The following PAX7 variants were observed in gnomAD, a reference collection of about 807,000 sequenced individuals.
The protein encoded by PAX7 is paired box 7.
A neutral mutation model predicts 50.7 loss-of-function variants in PAX7; 18 were observed. The observed-to-expected ratio is 0.36, with a 90% CI of 0.25 to 0.53. PAX7 has a LOEUF of 0.53. PAX7 is among the 20% of genes least tolerant of loss of function. The pLI, the probability that PAX7 is intolerant of heterozygous loss-of-function variation, is 0.93. For synonymous variants in PAX7, 310 were observed against 290.4 expected (o/e 1.07, Z -0.69); for missense variants, 644 against 702.9 (o/e 0.92, Z 0.95).
intron 4 of PAX7, among the ~76,000 whole-genome samples, chr1:18,652,739 T>C (rs1378441328): frequency 6.6e-6 from 1 of 152,232 alleles, no homozygotes; most frequent in Non-Finnish European, 1.5e-5. Context: ...CATTAGTAGA[T>C]ACAGAAATTG....
chr1:18,735,482 C>A lies in PAX7; in HGVS notation c.1156-150C>A. On this transcript the variant is annotated intron_variant, in intron 7 of 8. Coordinates refer to ENST00000420770, the MANE Select transcript of PAX7 (RefSeq NM_001135254.2). The surrounding 1 kb of genome is among the most constrained non-coding windows in gnomAD (Gnocchi z 4.0). ...ATCCCATGCATGAGGGCACGCAAAT[C>A]AGGTAAACTGAGGACCTCGAAGCTA... 1 of 1,399,780 alleles carries A rather than the reference C, an allele frequency of 7.1e-7. No individual in the cohort carries two copies. The highest frequency in any genetic ancestry group is 9.5e-7 in the Non-Finnish European group (1 of 1,051,154). The allele number at this position is 1,399,780 out of a possible 1,614,324, so 86.7% of individuals were successfully genotyped here.
At chr1:18,643,104 G>T (rs373581429) in intron 4 of PAX7, among the ~76,000 whole-genome samples, 1 of 152,200 alleles carries the variant, frequency 6.6e-6, no homozygotes, top group African/African-American at 2.4e-5. Context: ...AGTTGTGTGC[G>T]CCCCAAGTCC....
chr1:18,728,865 CA>C lies in PAX7; in HGVS notation c.1156-6756del, dbSNP rs58456557. Among the ~76,000 whole-genome samples, 180 of 141,568 alleles carry C rather than the reference CA, an allele frequency of 1.3e-3. 1 individual carries two copies. Among genetic ancestry groups the C allele is most frequent in the African/African-American group, 3.9e-3 (151 of 38,582 alleles). The allele number at this position is 141,568 out of a possible 152,430, so 92.9% of individuals were successfully genotyped here. ...GGGCAACAAGAGTGAAACTCCGTCT[CA>C]AAAAAAAAAACAAAAAACTCCTGAC... On this transcript the variant is annotated intron_variant, in intron 7 of 8. Coordinates refer to ENST00000420770, the MANE Select transcript of PAX7 (RefSeq NM_001135254.2).
intron 4 of PAX7, among the ~76,000 whole-genome samples, chr1:18,656,208 G>T (rs1446834469): frequency 2.0e-5 from 3 of 152,146 alleles, no homozygotes; most frequent in Admixed American, 1.3e-4. Flanking sequence ...AATGTAAGAG[G>T]CAAGTCCGGG....
rs1416281670 is a variant in PAX7, at chr1:18,631,706, G to A, written c.85+18G>A. The A allele has an allele frequency of 6.2e-7, 1 of 1,601,738 alleles. No individual in the cohort carries two copies. ...TTTGGAAGGTAAGAACGCCCAGGCT[G>A]GCCTCGCCGCGACTCCGCCGCCCGG... On this transcript the variant is annotated intron_variant, in intron 1 of 8. Transcript: ENST00000420770.
rs1273408764 is a variant in PAX7 at position 18,677,363 on chromosome 1, G to T, written c.587-14391G>T. Among the ~76,000 whole-genome samples, 6 of 152,258 alleles carry T rather than the reference G, an allele frequency of 3.9e-5. No homozygotes were observed. The South Asian group carries it at 1.2e-3, about 32-fold the overall frequency. ...CTTTCTCATCAGCACTCCAGGACCGGCGCACAGCAGACCCATCTTTCGGAG... is the reference window on the plus strand; with the variant it reads ...CTTTCTCATCAGCACTCCAGGACCGTCGCACAGCAGACCCATCTTTCGGAG... On this transcript the variant is annotated intron_variant, in intron 4 of 8. Transcript: ENST00000420770.
At chr1:18,648,994 C>T (rs2088391017) in intron 4 of PAX7, among the ~76,000 whole-genome samples, 1 of 152,138 alleles carries the variant, frequency 6.6e-6, no homozygotes, top group Admixed American at 6.5e-5. Flanking sequence ...GCCACTGATG[C>T]CCAAGGGTAC....
At chr1:18,684,438 C>T (rs1018753553) in intron 4 of PAX7, among the ~76,000 whole-genome samples, 2 of 152,220 alleles carry the variant, frequency 1.3e-5, no homozygotes, top group African/African-American at 2.4e-5. Flanking sequence ...ATTCCAAGCC[C>T]CTGCCTCTCA....
intron 7 of PAX7, among the ~76,000 whole-genome samples, chr1:18,728,206 T>C (rs556410234): frequency 6.6e-6 from 1 of 151,986 alleles, no homozygotes; most frequent in South Asian, 2.1e-4. Context: ...GGGGTGGCAG[T>C]GTGTGGGTGC....
At chr1:18,672,605 T>A (rs999661453) in intron 4 of PAX7, among the ~76,000 whole-genome samples, 2 of 146,602 alleles carry the variant, frequency 1.4e-5, no homozygotes, top group African/African-American at 2.6e-5. Context: ...TGTTTTTTTT[T>A]TTTTTTTTTT....
In PAX7 at chr1:18,632,690, G is replaced by T. The variant is rs2088074001; in HGVS notation, c.85+1002G>T. ...TCCTGTGATCGTTTGAGTCCCTGGCGCGTGAGGAAGGGGAGAGGAGGCAGG... is the reference window on the plus strand; with the variant it reads ...TCCTGTGATCGTTTGAGTCCCTGGCTCGTGAGGAAGGGGAGAGGAGGCAGG... On this transcript the variant is annotated intron_variant, in intron 1 of 8. Transcript: ENST00000420770. The surrounding 1 kb of genome is among the most constrained non-coding windows in gnomAD (Gnocchi z 6.3). Among the ~76,000 whole-genome samples, 1 of 150,482 alleles carries T rather than the reference G, an allele frequency of 6.6e-6. No homozygotes were observed. The highest frequency in any genetic ancestry group is 6.6e-5 in the Admixed American group (1 of 15,118).
At chr1:18,721,097 A>C (rs1570225658) in intron 7 of PAX7, among the ~76,000 whole-genome samples, 1 of 151,364 alleles carries the variant, frequency 6.6e-6, no homozygotes, top group Admixed American at 6.6e-5. Flanking sequence ...TTCTCTCCAC[A>C]CTCCCTCCAG....
At chr1:18,732,819 C>A (rs1182520286) in intron 7 of PAX7, among the ~76,000 whole-genome samples, 3 of 152,142 alleles carry the variant, frequency 2.0e-5, no homozygotes, top group Non-Finnish European at 4.4e-5. Flanking sequence ...TCCTAACCAT[C>A]CCCCGACTCC....
intron 4 of PAX7, among the ~76,000 whole-genome samples, chr1:18,654,644 G>T (rs1452153238): frequency 6.6e-6 from 1 of 152,166 alleles, no homozygotes; most frequent in Non-Finnish European, 1.5e-5. Context: ...GTACAAATTT[G>T]CCAGGCCGTA....
chr1:18,715,178 C>T (rs1359009821), intron 7 of PAX7, among the ~76,000 whole-genome samples: 1 of 151,996 alleles, frequency 6.6e-6, no homozygotes, highest in Non-Finnish European at 1.5e-5. Context: ...TTCTCCACCA[C>T]CCCATTGTCA....
intron 4 of PAX7, among the ~76,000 whole-genome samples, chr1:18,664,321 C>T (rs764509949): frequency 6.6e-6 from 1 of 152,202 alleles, no homozygotes; most frequent in African/African-American, 2.4e-5. Context: ...CTCTCCTGGC[C>T]CCTGTCAGCC....
rs901140287 is a variant in PAX7 at position 18,735,176 on chromosome 1, G to C, written c.1156-456G>C. On this transcript the variant is annotated intron_variant, in intron 7 of 8. Coordinates refer to ENST00000420770, the MANE Select transcript of PAX7 (RefSeq NM_001135254.2). This position sits in a 1 kb window ranked among gnomAD's most constrained non-coding sequence, Gnocchi z 4.0. The stretch of plus-strand genomic sequence containing the variant: ...CAGCAGACAGATCAAGAGTCCTGCT[G>C]TAATGTTTGTGTTAGAAGATGGGGC... 6.6e-6 allele frequency among the ~76,000 whole-genome samples: 1 copy of C among 152,200 alleles called. No individual in the cohort carries two copies. Among genetic ancestry groups the C allele is most frequent in the Non-Finnish European group, 1.5e-5 (1 of 68,034 alleles).
chr1:18,716,172 G>T (rs1216155127), intron 7 of PAX7, among the ~76,000 whole-genome samples: 2 of 152,250 alleles, frequency 1.3e-5, no homozygotes, highest in Admixed American at 6.5e-5. Context: ...GGGCAGGGGA[G>T]GCTCCTCCCT....
intron 4 of PAX7, among the ~76,000 whole-genome samples, chr1:18,642,575 G>C (rs2088272500): frequency 6.6e-6 from 1 of 152,204 alleles, no homozygotes; most frequent in African/African-American, 2.4e-5. Flanking sequence ...ATGAGGGTTA[G>C]AGGCGCTGGG....
Sources: allele counts gnomAD v4.1 joint callset (sites outside exome capture counted in the v4.1 genomes callset), GRCh38; gene constraint gnomAD v4.1.1; non-coding constraint Gnocchi (gnomAD v3.1); transcripts MANE v1.5; gene names NCBI Gene and HGNC (gene_info 2026-07-23, HGNC 2026-07-21).